Variants in GRIN2B observed in about 807,000 individuals in gnomAD.
GRIN2B encodes the protein glutamate ionotropic receptor NMDA type subunit 2B, also known as glutamate receptor ionotropic, NMDA 2B.
A neutral mutation model predicts 114.5 loss-of-function variants in GRIN2B; 5 were observed. That is an observed-to-expected ratio of 0.04 (90% CI 0.02 to 0.09). The LOEUF (loss-of-function observed/expected upper bound fraction) is 0.09, where lower values mean the gene tolerates loss of function less well. Ranked by LOEUF, GRIN2B falls within the 10% of genes least tolerant of loss-of-function variation. The pLI is 1.00. For missense variants in GRIN2B, 1,108 were observed against 1,943.5 expected (o/e 0.57, Z 8.08); for synonymous variants, 787 against 745.1 (o/e 1.06, Z -0.92).
At chr12:13,849,564 C>G (rs1279176957) in intron 3 of GRIN2B, among the ~76,000 whole-genome samples, 1 of 151,890 alleles carries the variant, frequency 6.6e-6, no homozygotes, top group Admixed American at 6.6e-5. Context: ...TTCAGAGGGG[C>G]GGTGGGGGAA....
At chr12:13,692,784 T>C (rs1950226280) in intron 4 of GRIN2B, among the ~76,000 whole-genome samples, 1 of 119,468 alleles carries the variant, frequency 8.4e-6, no homozygotes, top group South Asian at 3.0e-4. Flanking sequence ...TTTTTTTTTT[T>C]TGAGGCAGAG....
intron 4 of GRIN2B, among the ~76,000 whole-genome samples, chr12:13,717,496 T>C (rs1434633406): frequency 6.6e-6 from 1 of 151,976 alleles, no homozygotes; most frequent in Non-Finnish European, 1.5e-5. Context: ...CAGTATGAAC[T>C]AGATATGATA....
At position 13,872,374 on chromosome 12, in the gene GRIN2B, T is replaced by C. The variant is rs183511905; in HGVS notation, c.-18-6148A>G. 4.8e-3 allele frequency among the ~76,000 whole-genome samples: 729 copies of C among 150,622 alleles called. 1 individual carries two copies. The highest frequency in any genetic ancestry group is 7.1e-3 in the Non-Finnish European group (482 of 67,864). On this transcript the variant is annotated intron_variant, in intron 2 of 13. Coordinates refer to ENST00000609686, the MANE Select transcript of GRIN2B (RefSeq NM_000834.5). ...TGGAGGCTGAGGCAGGAGAATCCCT[T>C]GAACAACGGAGTCAGAGCTTGCAGT...
chr12:13,623,004 G>A (rs1447421825), intron 5 of GRIN2B, among the ~76,000 whole-genome samples: 1 of 152,094 alleles, frequency 6.6e-6, no homozygotes, highest in Non-Finnish European at 1.5e-5. Flanking sequence ...ACACTGTATG[G>A]CCCTGCATTA....
chr12:13,736,749 GC>G (rs1218124995), intron 4 of GRIN2B, among the ~76,000 whole-genome samples: 2 of 152,124 alleles, frequency 1.3e-5, no homozygotes, highest in Non-Finnish European at 2.9e-5. Context: ...ATATGGCCGG[GC>G]CAATCATGCC....
chr12:13,742,094 G>A (rs559632753), intron 4 of GRIN2B, among the ~76,000 whole-genome samples: 1 of 152,168 alleles, frequency 6.6e-6, no homozygotes, highest in South Asian at 2.1e-4. Context: ...TAAGATAATC[G>A]ATATAATTTA....
At chr12:13,743,933 G>A (rs950167165) in intron 4 of GRIN2B, among the ~76,000 whole-genome samples, 2 of 152,106 alleles carry the variant, frequency 1.3e-5, no homozygotes, top group African/African-American at 2.4e-5. Context: ...TTGTGAAAAG[G>A]ACCACTTACA....
chr12:13,612,764 G>C (rs921480794), intron 8 of GRIN2B, among the ~76,000 whole-genome samples: 5 of 152,062 alleles, frequency 3.3e-5, no homozygotes, highest in Non-Finnish European at 7.4e-5. Flanking sequence ...CTCTGTAAAG[G>C]CCTATAAAAA....
intron 3 of GRIN2B, among the ~76,000 whole-genome samples, chr12:13,768,674 T>A (rs1863847034): frequency 6.6e-6 from 1 of 152,248 alleles, no homozygotes; most frequent in Admixed American, 6.5e-5. Context: ...ATTTTGTTTT[T>A]ATTTTGTTGG....
chr12:13,771,520 G>A (rs1863908364), intron 3 of GRIN2B, among the ~76,000 whole-genome samples: 1 of 152,098 alleles, frequency 6.6e-6, no homozygotes, highest in Non-Finnish European at 1.5e-5. Context: ...CAGAAATTTA[G>A]ATTCAAATCT....
At chr12:13,826,476 T>A (rs2417305) in intron 3 of GRIN2B, among the ~76,000 whole-genome samples, 46,681 of 151,826 alleles carry the variant, frequency 0.31, 7,476 homozygotes, top group Non-Finnish European at 0.34. Flanking sequence ...TTTCAAAAAA[T>A]AAATAAATAA....
chr12:13,899,166 G>A (rs1866403060), intron 2 of GRIN2B, among the ~76,000 whole-genome samples: 1 of 151,966 alleles, frequency 6.6e-6, no homozygotes, highest in African/African-American at 2.4e-5. Context: ...TTTGAATTCT[G>A]GAATCAAGAC....
chr12:13,821,453 C>T (rs11837589), intron 3 of GRIN2B, among the ~76,000 whole-genome samples: 2,089 of 152,292 alleles, frequency 0.014, 35 homozygotes, highest in African/African-American at 0.047. Context: ...CTGAAAGATG[C>T]CTCATATGCA....
Position 13,563,295 on chromosome 12 carries a change from C to T in GRIN2B, c.3943G>A (p.Ala1315Thr). The change falls in exon 14 of 14, where the codon GCC becomes ACC. Residue 1315 changes from alanine to threonine, a missense_variant. Ala to Thr is a moderately conservative substitution (Grantham distance 58). This residue lies in a region of GRIN2B where 478 missense variants were observed against 506.0 expected (regional missense o/e 0.94). Transcript: ENST00000609686. ...DTFVDLQKEE[A>T]ALAPRSVSLK... ...CTTACGCTGCGCGGGGCCAGGGCGG[C>T]TTCTTCCTTCTGCAGGTCCACGAAG... The T allele has an allele frequency of 8.7e-6, 14 of 1,614,226 alleles. No homozygotes were observed. The highest frequency in any genetic ancestry group is 1.1e-5 in the Non-Finnish European group (13 of 1,180,038).
At chr12:13,804,233 G>GTTT (rs35452504) in intron 3 of GRIN2B, among the ~76,000 whole-genome samples, 1 of 143,734 alleles carries the variant, frequency 7.0e-6, no homozygotes, top group South Asian at 2.2e-4. Context: ...TCTGTGGACT[G>GTTT]TTTTTTTTTT....
intron 3 of GRIN2B, among the ~76,000 whole-genome samples, chr12:13,859,791 A>G (rs1054550005): frequency 3.3e-5 from 5 of 152,236 alleles, no homozygotes; most frequent in Non-Finnish European, 5.9e-5. Flanking sequence ...ATGGGATTGC[A>G]TAAGAATTAA....
intron 5 of GRIN2B, among the ~76,000 whole-genome samples, chr12:13,671,055 A>G (rs189309756): frequency 1.1e-3 from 174 of 152,298 alleles, no homozygotes; most frequent in African/African-American, 4.0e-3. Context: ...GATTCCAGAG[A>G]CTGGGAACAG....
chr12:13,620,953 G>GA (rs35688960), intron 5 of GRIN2B, among the ~76,000 whole-genome samples: 113,530 of 148,922 alleles, frequency 0.76, 44,097 homozygotes, highest in East Asian at 0.99. Context: ...AAACTTTTTT[G>GA]AAAAAAAAAA....
chr12:13,726,165 T>C (rs1246903799), intron 4 of GRIN2B, among the ~76,000 whole-genome samples: 1 of 152,076 alleles, frequency 6.6e-6, no homozygotes, highest in Non-Finnish European at 1.5e-5. Flanking sequence ...GTATATTCTT[T>C]CTCCACTTCC....
Sources: gnomAD v4.1 joint callset for allele counts (sites outside exome capture counted in the v4.1 genomes callset) on GRCh38, gnomAD v4.1.1 for gene constraint, gnomAD v4.1.1 regional missense constraint, MANE v1.5 for transcripts, NCBI Gene and HGNC (gene_info 2026-07-23, HGNC 2026-07-21) for gene names.